The following SYTL5 variants were observed in gnomAD, a reference collection of about 807,000 sequenced individuals.
SYTL5 encodes synaptotagmin-like protein 5.
A neutral mutation model predicts 55.9 loss-of-function variants in SYTL5; 34 were observed. That is an observed-to-expected ratio of 0.61 (90% CI 0.46 to 0.81). The LOEUF (loss-of-function observed/expected upper bound fraction) is 0.81, where lower values mean the gene tolerates loss of function less well. Among genes scored for constraint, SYTL5 ranks in the 30% least tolerant of loss-of-function variants. SYTL5 has a pLI of 0.00. For synonymous variants in SYTL5, 221 were observed against 188.7 expected (o/e 1.17, Z -1.40); for missense variants, 637 against 546.7 (o/e 1.17, Z -1.65).
chrX:37,992,866 A>G, the SYTL5 span, among the ~76,000 whole-genome samples: 34 of 112,107 alleles, frequency 3.0e-4, no homozygotes, highest in African/African-American at 1.0e-3. Flanking sequence ...TAATCACACA[A>G]TCAGAGGTGG....
chrX:38,090,342 G>A (rs1363255441), intron 7 of SYTL5, among the ~76,000 whole-genome samples: 1 of 110,778 alleles, frequency 9.0e-6, no homozygotes, highest in Non-Finnish European at 1.9e-5. Context: ...TTAACATAGG[G>A]GTCAACACAT....
chrX:38,022,231 G>A (rs1185641388), intron 1 of SYTL5, among the ~76,000 whole-genome samples: 1 of 112,279 alleles, frequency 8.9e-6, no homozygotes, highest in Non-Finnish European at 1.9e-5. Flanking sequence ...GAATAAAGCT[G>A]TATTAGCCTA....
At chrX:37,950,616 G>A in the SYTL5 span, among the ~76,000 whole-genome samples, 2 of 110,898 alleles carry the variant, frequency 1.8e-5, no homozygotes, top group East Asian at 5.6e-4. Context: ...TCAAACCAGC[G>A]TATTGCTTTT....
At chrX:37,947,914 C>T in the SYTL5 span, among the ~76,000 whole-genome samples, 1 of 111,388 alleles carries the variant, frequency 9.0e-6, no homozygotes, top group Non-Finnish European at 1.9e-5. Flanking sequence ...ACATTTTCTC[C>T]TGTGCCTCCC....
chrX:37,915,062 C>T, the SYTL5 span, among the ~76,000 whole-genome samples: 72 of 111,601 alleles, frequency 6.5e-4, no homozygotes, highest in Non-Finnish European at 1.2e-3. Context: ...TGAAGCTGCC[C>T]ATTGCTCTTT....
the SYTL5 span, among the ~76,000 whole-genome samples, chrX:37,968,348 A>T: frequency 1.8e-5 from 2 of 111,645 alleles, no homozygotes; most frequent in Non-Finnish European, 3.8e-5. Flanking sequence ...TAATTCTATT[A>T]ACCTGTATGT....
chrX:38,007,799 A>G (rs1232478502), intron 1 of SYTL5, among the ~76,000 whole-genome samples: 1 of 111,498 alleles, frequency 9.0e-6, no homozygotes, highest in African/African-American at 3.3e-5. Flanking sequence ...ACATACCCAC[A>G]TATACATGCA....
chrX:37,932,043 A>G, the SYTL5 span, among the ~76,000 whole-genome samples: 4 of 110,561 alleles, frequency 3.6e-5, no homozygotes, highest in Non-Finnish European at 7.5e-5. Context: ...CTAGCTTGTT[A>G]AATGTTGTTT....
intron 3 of SYTL5, among the ~76,000 whole-genome samples, chrX:38,062,167 A>G (rs1935968135): frequency 9.1e-6 from 1 of 110,448 alleles, no homozygotes; most frequent in East Asian, 2.8e-4. Flanking sequence ...ATGGGGTTTC[A>G]CTGAGTTGGC....
chrX:37,942,095 A>G, the SYTL5 span, among the ~76,000 whole-genome samples: 1 of 112,171 alleles, frequency 8.9e-6, no homozygotes. Flanking sequence ...AATGAGTTTT[A>G]TTCTACAAAT....
At chrX:38,095,955 T>C (rs1936925474) in intron 8 of SYTL5, among the ~76,000 whole-genome samples, 179 bp from the exon 9 acceptor site, 1 of 111,453 alleles carries the variant, frequency 9.0e-6, no homozygotes, top group African/African-American at 3.3e-5. Context: ...TTATTAAAAA[T>C]AGAAGTATGT....
chrX:38,032,729 C>T (rs1237215849), intron 1 of SYTL5, among the ~76,000 whole-genome samples: 4 of 110,262 alleles, frequency 3.6e-5, no homozygotes, highest in Non-Finnish European at 7.6e-5. Flanking sequence ...TCTTCCGTAA[C>T]GTAATTTTTT....
chrX:37,986,058 T>C, the SYTL5 span, among the ~76,000 whole-genome samples: 1 of 111,865 alleles, frequency 8.9e-6, no homozygotes, highest in Admixed American at 9.5e-5. Flanking sequence ...ATAAAACTTT[T>C]GGAAAAAACA....
At chrX:38,034,313 C>T (rs998109481) in intron 2 of SYTL5, among the ~76,000 whole-genome samples, 6 of 112,383 alleles carry the variant, frequency 5.3e-5, no homozygotes, top group East Asian at 2.8e-4. Context: ...AAGTATTAGT[C>T]GTGTGACTTT....
intron 2 of SYTL5, among the ~76,000 whole-genome samples, chrX:38,051,463 G>T (rs1021085480): frequency 9.0e-6 from 1 of 111,429 alleles, no homozygotes; most frequent in Non-Finnish European, 1.9e-5. Context: ...CCAGTTTAAT[G>T]CAGTCTTATT....
At chrX:38,025,599 A>T (rs1447224409) in intron 1 of SYTL5, among the ~76,000 whole-genome samples, 1 of 112,342 alleles carries the variant, frequency 8.9e-6, no homozygotes, top group African/African-American at 3.2e-5. Context: ...AGAGGGAAAA[A>T]TCTACATCTA....
the SYTL5 span, among the ~76,000 whole-genome samples, chrX:37,997,265 C>T: frequency 8.9e-6 from 1 of 112,140 alleles, no homozygotes; most frequent in East Asian, 2.8e-4. Context: ...AAGTGGGAGC[C>T]CTGTCCCTTT....
Position 38,054,422 on chromosome X carries a change from C to T in SYTL5, c.329C>T (p.Ala110Val), listed in dbSNP as rs866455377. ...AAGTGCACTGTCTGTGACAAAATCG[C>T]GTGAGTTTCTTGATTTTTCATGGAA... ...SWKCTVCDKI[A>V]QLRIITGEWF... Residue 110 changes from alanine (A) to valine (V), a missense_variant and splice_region_variant, in exon 3 of 17, where the codon GCG becomes GTG. Transcript: ENST00000297875. The T allele has an allele frequency of 1.2e-5, 15 of 1,203,807 alleles. No individual in the cohort carries two copies. The highest frequency in any genetic ancestry group is 8.9e-5 in the East Asian group (3 of 33,673).
At chrX:37,903,727 C>T in the SYTL5 span, among the ~76,000 whole-genome samples, 1 of 111,233 alleles carries the variant, frequency 9.0e-6, no homozygotes, top group Non-Finnish European at 1.9e-5. Flanking sequence ...TAATAAAATT[C>T]AAAGTAAATT....
Sources: gnomAD v4.1 joint callset for allele counts (sites outside exome capture counted in the v4.1 genomes callset) on GRCh38, gnomAD v4.1.1 for gene constraint, MANE v1.5 for transcripts, NCBI Gene and HGNC (gene_info 2026-07-23, HGNC 2026-07-21) for gene names.